Variants in PIK3R5 observed in about 807,000 individuals in gnomAD.
PIK3R5 encodes the protein phosphoinositide-3-kinase regulatory subunit 5.
In PIK3R5, 32 loss-of-function variants were observed where a neutral mutation model predicts 94.9. That is an observed-to-expected ratio of 0.34 (90% CI 0.25 to 0.45). The LOEUF (loss-of-function observed/expected upper bound fraction) is 0.45, where lower values mean the gene tolerates loss of function less well. PIK3R5 is among the 20% of genes least tolerant of loss of function. PIK3R5 has a pLI of 1.00. For synonymous variants in PIK3R5, 443 were observed against 479.4 expected, an observed-to-expected ratio of 0.92 and a Z score of 0.99; for missense variants, 853 against 1,144.6, an observed-to-expected ratio of 0.75 and a Z score of 3.68.
intron 1 of PIK3R5, among the ~76,000 whole-genome samples, chr17:8,913,035 C>A (rs1254120931): frequency 6.6e-6 from 1 of 152,232 alleles, no homozygotes; most frequent in Non-Finnish European, 1.5e-5. Flanking sequence ...GTGAACCAAG[C>A]AGCTGTGCTC....
intron 1 of PIK3R5, among the ~76,000 whole-genome samples, chr17:8,922,631 G>A (rs1597405909): frequency 1.3e-5 from 2 of 152,240 alleles, no homozygotes; most frequent in Non-Finnish European, 1.5e-5. Context: ...CAGGGAAGAC[G>A]TCTTGCATAA....
rs898473835 is a variant in PIK3R5 at position 8,888,728 on chromosome 17, C to T, written c.1059G>A (p.Ala353=). The T allele has an allele frequency of 9.3e-6, 15 of 1,613,650 alleles. No individual in the cohort carries two copies. The highest frequency in any genetic ancestry group is 8.9e-5 in the East Asian group (4 of 44,898). The part of the protein sequence containing the change: ...RDSLLSTSSL[A]SHDSTLSLAS... ...CAAGGGACAAGGTGGAGTCATGGGA[C>T]GCCAAAGAGCTGGTGGAGAGCAGGG... The change falls in exon 10 of 19, where the codon GCG becomes GCA. Residue 353 remains alanine (A), a synonymous_variant. Transcript: ENST00000447110. This position sits in a 1 kb window ranked among gnomAD's most constrained non-coding sequence, Gnocchi z 7.8.
intron 5 of PIK3R5, among the ~76,000 whole-genome samples, chr17:8,900,297 C>A (rs2090251615): frequency 6.6e-6 from 1 of 152,142 alleles, no homozygotes; most frequent in East Asian, 1.9e-4. Flanking sequence ...CCATGAGGAG[C>A]TCATCTCAGT....
chr17:8,936,606 T>C (rs2091080696), intron 1 of PIK3R5, among the ~76,000 whole-genome samples: 1 of 152,260 alleles, frequency 6.6e-6, no homozygotes, highest in South Asian at 2.1e-4. Context: ...CTCTTTTCTT[T>C]TTCCCACTGA....
Position 8,890,108 on chromosome 17 carries a change from G to C in PIK3R5, c.676C>G (p.Leu226Val). ...GCGGTCTCCGTGAAGATGTCCTCAA[G>C]CTCTGCCAGGGTCTTGGCCTGAAAC... is the stretch of plus-strand genomic sequence containing the variant. ...CRLQAKTLAE[L>V]EDIFTETAEA... Residue 226 changes from leucine to valine, a missense_variant, in exon 8 of 19, where the codon CTT becomes GTT. Physicochemically the swap from Leu to Val is conservative, Grantham distance 32. This residue lies in a region of PIK3R5 where 161 missense variants were observed against 249.5 expected (regional missense o/e 0.65). Transcript: ENST00000447110. The surrounding 1 kb of genome is among the most constrained non-coding windows in gnomAD (Gnocchi z 6.1). The C allele has an allele frequency of 6.2e-7, 1 of 1,613,988 alleles. No individual in the cohort carries two copies. The highest frequency in any genetic ancestry group is 8.5e-7 in the Non-Finnish European group (1 of 1,179,978).
intron 5 of PIK3R5, among the ~76,000 whole-genome samples, chr17:8,898,549 G>C (rs1036534651): frequency 1.3e-5 from 2 of 152,152 alleles, no homozygotes; most frequent in South Asian, 4.1e-4. Context: ...ATGTGACCTG[G>C]GGCAAGTTAC....
At position 8,962,552 on chromosome 17, in the gene PIK3R5, T is replaced by C. The variant is rs545218466; in HGVS notation, c.-14+3044A>G. ...AACAACATAATTCTGTGTGGACCTG[T>C]GTATCGCTAACACATCCCCCAAATC... On this transcript the variant is annotated intron_variant, in intron 1 of 18. Transcript: ENST00000447110. 7.2e-5 allele frequency among the ~76,000 whole-genome samples: 11 copies of C among 152,344 alleles called. 1 individual carries two copies. In the South Asian group the frequency reaches 2.1e-3, roughly 29 times the overall value.
chr17:8,940,735 A>G (rs1425912743), intron 1 of PIK3R5, among the ~76,000 whole-genome samples: 1 of 151,836 alleles, frequency 6.6e-6, no homozygotes, highest in Admixed American at 6.6e-5. Context: ...TAATTTTTGT[A>G]TTTTTAGTAG....
chr17:8,887,420 C>T, intron 11 of PIK3R5, 101 bp downstream of exon 11: 1 of 1,381,104 alleles, frequency 7.2e-7, no homozygotes, highest in South Asian at 1.3e-5. Context: ...GGGGAGGTGC[C>T]CTGTCAACAC....
intron 1 of PIK3R5, among the ~76,000 whole-genome samples, chr17:8,928,531 GA>G (rs1488023609): frequency 2.6e-5 from 4 of 152,190 alleles, no homozygotes; most frequent in Non-Finnish European, 5.9e-5. Context: ...CCTTATCTTA[GA>G]TGAAATATAA....
chr17:8,895,488 C>T (rs1342413301), intron 5 of PIK3R5, among the ~76,000 whole-genome samples: 2 of 152,118 alleles, frequency 1.3e-5, no homozygotes, highest in Non-Finnish European at 2.9e-5. Flanking sequence ...CCCTCCTGAC[C>T]CTGCTCTCCT....
chr17:8,914,440 G>A (rs911296984), intron 1 of PIK3R5, among the ~76,000 whole-genome samples: 5 of 152,194 alleles, frequency 3.3e-5, no homozygotes, highest in Non-Finnish European at 4.4e-5. Context: ...TGTCAAGGAC[G>A]TGGGCGCAGC....
At chr17:8,939,771 C>T (rs1326766391) in intron 1 of PIK3R5, among the ~76,000 whole-genome samples, 2 of 152,328 alleles carry the variant, frequency 1.3e-5, no homozygotes, top group South Asian at 2.1e-4. Flanking sequence ...AGAAGCTGTG[C>T]AGCCAAGAGG....
intron 1 of PIK3R5, among the ~76,000 whole-genome samples, chr17:8,942,597 T>C (rs2091202287): frequency 6.6e-6 from 1 of 151,190 alleles, no homozygotes; most frequent in African/African-American, 2.5e-5. Context: ...GTCAGCCTTA[T>C]TCTTTTTCTT....
intron 1 of PIK3R5, among the ~76,000 whole-genome samples, chr17:8,912,299 C>G (rs543463569): frequency 6.6e-6 from 1 of 152,204 alleles, no homozygotes; most frequent in African/African-American, 2.4e-5. Flanking sequence ...GGGGAAGCCA[C>G]GGAAGGTGAT....
chr17:8,960,479 C>T (rs2091543405), intron 1 of PIK3R5, among the ~76,000 whole-genome samples: 1 of 152,236 alleles, frequency 6.6e-6, no homozygotes, highest in Non-Finnish European at 1.5e-5. Flanking sequence ...GCCTGTCTTG[C>T]TCAGTGTCCT....
chr17:8,888,212 A>G lies in PIK3R5; in HGVS notation c.1575T>C (p.Asp525=). The change falls in exon 10 of 19, where the codon GAT becomes GAC. Residue 525 remains aspartate (D), a synonymous_variant. Coordinates refer to ENST00000447110, the MANE Select transcript of PIK3R5 (RefSeq NM_001142633.3). This position sits in a 1 kb window ranked among gnomAD's most constrained non-coding sequence, Gnocchi z 7.8. ...STLRVVVFGS[D]RISGKVARAY... ...CCCGAGCCACCTTCCCTGAAATCCG[A>G]TCGGAGCCAAAGACCACAACACGTA... is the stretch of plus-strand genomic sequence containing the variant. 6.2e-7 allele frequency: 1 copy of G among 1,613,330 alleles called. No homozygotes were observed. Among genetic ancestry groups the G allele is most frequent in the Non-Finnish European group, 8.5e-7 (1 of 1,179,928 alleles).
At chr17:8,952,872 A>G (rs1482378270) in intron 1 of PIK3R5, among the ~76,000 whole-genome samples, 1 of 152,158 alleles carries the variant, frequency 6.6e-6, no homozygotes, top group Non-Finnish European at 1.5e-5. Flanking sequence ...CTCTGAGGCC[A>G]CTGAGCTCTG....
rs545705953 is a variant in PIK3R5 at position 8,918,851 on chromosome 17, C to A, written c.-13-7344G>T. Among the ~76,000 whole-genome samples the A allele has an allele frequency of 3.0e-4, 45 of 152,294 alleles. No individual in the cohort carries two copies. In the South Asian group the frequency reaches 5.8e-3, roughly 20 times the overall value. ...GCTATACATATCAGCATCATGTATC[C>A]CCTGCTGTAATGCACTGAGAAGGGA... On this transcript the variant is annotated intron_variant, in intron 1 of 18. Coordinates refer to ENST00000447110, the MANE Select transcript of PIK3R5 (RefSeq NM_001142633.3).
Sources: gnomAD v4.1 joint callset for allele counts (sites outside exome capture counted in the v4.1 genomes callset) on GRCh38, gnomAD v4.1.1 for gene constraint, gnomAD v4.1.1 regional missense constraint, Gnocchi (gnomAD v3.1) non-coding constraint, MANE v1.5 for transcripts, NCBI Gene and HGNC (gene_info 2026-07-23, HGNC 2026-07-21) for gene names.